Variants in MCCC1 observed in about 807,000 individuals in gnomAD.
MCCC1 encodes methylcrotonoyl-CoA carboxylase subunit alpha, mitochondrial.
Under a neutral mutation model 83.8 loss-of-function variants are expected in MCCC1, and 64 were observed. The ratio of observed to expected loss-of-function variants is 0.76; its 90% CI spans 0.62 to 0.94. MCCC1 has a LOEUF of 0.94. Ranked by LOEUF, MCCC1 falls within the 40% of genes least tolerant of loss-of-function variation. MCCC1 has a pLI of 0.00. For missense variants in MCCC1, 807 were observed against 904.7 expected (o/e 0.89, Z 1.39); for synonymous variants, 322 against 315.4 (o/e 1.02, Z -0.22).
Position 183,097,174 on chromosome 3 carries a change from A to T in MCCC1, c.89+2178T>A, listed in dbSNP as rs867928498. On this transcript the variant is annotated intron_variant, in intron 1 of 18. Transcript: ENST00000265594. ...CAAGATTAAGAAGCTGCTTCCCCGG[A>T]GCTTGCAGTGAGCCGAGATTGCGCC... 8.3e-4 allele frequency among the ~76,000 whole-genome samples: 126 copies of T among 151,996 alleles called. 3 individuals carry two copies. Among genetic ancestry groups the T allele is most frequent in the Middle Eastern group, 3.4e-3 (1 of 294 alleles).
chr3:183,034,408 G>A (rs1437331479), intron 13 of MCCC1, among the ~76,000 whole-genome samples: 3 of 134,484 alleles, frequency 2.2e-5, no homozygotes, highest in Non-Finnish European at 4.6e-5. Context: ...CCAAGATTGC[G>A]CCACTGCACC....
chr3:183,081,554 G>A (rs115819095), intron 4 of MCCC1, among the ~76,000 whole-genome samples: 15 of 152,238 alleles, frequency 9.9e-5, no homozygotes, highest in South Asian at 2.1e-4. Flanking sequence ...ATGGTGAAGC[G>A]GACAAGTCAT....
intron 15 of MCCC1, among the ~76,000 whole-genome samples, chr3:183,023,252 G>A (rs972009080): frequency 6.6e-6 from 1 of 152,168 alleles, no homozygotes; most frequent in African/African-American, 2.4e-5. Context: ...TTCCCACAAT[G>A]CTAGTGTAGA....
intron 2 of MCCC1, among the ~76,000 whole-genome samples, chr3:183,094,005 T>C (rs1718555326): frequency 6.6e-6 from 1 of 152,018 alleles, no homozygotes; most frequent in African/African-American, 2.4e-5. Context: ...GAATATAAAA[T>C]GTTCTCCATT....
intron 16 of MCCC1, 135 bp downstream of exon 16, chr3:183,022,282 G>T: frequency 9.5e-7 from 1 of 1,048,536 alleles, no homozygotes; most frequent in Non-Finnish European, 1.5e-6. Flanking sequence ...CAGAATGGTG[G>T]GGGAAACTGA....
At chr3:183,067,903 G>T (rs4859272) in intron 7 of MCCC1, among the ~76,000 whole-genome samples, 136,280 of 152,214 alleles carry the variant, frequency 0.9, 61,389 homozygotes, top group East Asian at 1. Context: ...AAAACACATA[G>T]TAATCTTCCA....
chr3:183,095,381 T>C (rs1224387969), intron 1 of MCCC1, among the ~76,000 whole-genome samples: 2 of 151,952 alleles, frequency 1.3e-5, no homozygotes, highest in African/African-American at 4.8e-5. Flanking sequence ...GTTTGAAAAA[T>C]ACCAATCAAG....
chr3:183,067,843 T>C (rs1010130408), intron 7 of MCCC1, among the ~76,000 whole-genome samples: 4 of 152,226 alleles, frequency 2.6e-5, no homozygotes, highest in African/African-American at 7.2e-5. Context: ...TATATTACTG[T>C]TATACTCTTT....
At chr3:183,072,525 G>T (rs377700134) in intron 4 of MCCC1, 38 bp from the exon 5 acceptor site, 2 of 1,609,476 alleles carry the variant, frequency 1.2e-6, no homozygotes, top group Non-Finnish European at 8.5e-7. Context: ...TTACTCATCA[G>T]TGCTCAACTG....
At chr3:183,015,679 T>C (rs1020668220) in intron 18 of MCCC1, 113 bp from the exon 19 acceptor site, 48 of 1,284,330 alleles carry the variant, frequency 3.7e-5, no homozygotes, top group African/African-American at 5.8e-5. Flanking sequence ...CTTTGATGTT[T>C]TGTCATCTCT....
intron 1 of MCCC1, among the ~76,000 whole-genome samples, chr3:183,112,341 T>C (rs1182876270): frequency 6.6e-6 from 1 of 152,222 alleles, no homozygotes; most frequent in Non-Finnish European, 1.5e-5. Flanking sequence ...AATAGCTCAA[T>C]GTTATCACCA....
At chr3:183,097,062 C>G (rs1260877175) in intron 1 of MCCC1, among the ~76,000 whole-genome samples, 1 of 152,234 alleles carries the variant, frequency 6.6e-6, no homozygotes, top group African/African-American at 2.4e-5. Flanking sequence ...TCCCACTTAA[C>G]TGTAATCCAC....
intron 4 of MCCC1, 99 bp from the exon 5 acceptor site, chr3:183,072,586 A>G (rs1360409048): frequency 1.2e-5 from 15 of 1,289,532 alleles, no homozygotes; most frequent in Non-Finnish European, 1.7e-5. Context: ...GCCTCTCCCT[A>G]CACTGGTAAT....
intron 10 of MCCC1, among the ~76,000 whole-genome samples, chr3:183,042,666 TTATGGCAG>T: frequency 6.6e-6 from 1 of 152,184 alleles, no homozygotes; most frequent in East Asian, 1.9e-4. Flanking sequence ...TTAAATACCT[TTATGGCAG>T]TATATTTTGA....
At chr3:183,071,153 T>C (rs770768541) in intron 6 of MCCC1, 33 bp from the exon 7 acceptor site, 1 of 1,614,160 alleles carries the variant, frequency 6.2e-7, no homozygotes, top group Non-Finnish European at 8.5e-7. Context: ...GACTACAACA[T>C]AAATAAAACA....
intron 17 of MCCC1, 185 bp from the exon 18 acceptor site, chr3:183,017,522 A>G: frequency 1.6e-6 from 1 of 623,056 alleles, no homozygotes; most frequent in Non-Finnish European, 2.8e-6. Flanking sequence ...TTTGTGGTCC[A>G]CAGATTTGGT....
At chr3:183,085,996 C>T (rs1219536743) in intron 4 of MCCC1, among the ~76,000 whole-genome samples, 1 of 152,212 alleles carries the variant, frequency 6.6e-6, no homozygotes, top group East Asian at 1.9e-4. Context: ...AAGTCCCTCC[C>T]CCAGTCTCTC....
intron 13 of MCCC1, among the ~76,000 whole-genome samples, chr3:183,035,893 T>C (rs1056189479): frequency 3.3e-5 from 5 of 151,832 alleles, no homozygotes; most frequent in African/African-American, 9.7e-5. Flanking sequence ...TTGTTACATA[T>C]GTATACATGT....
chr3:183,091,899 G>A (rs1337692197), intron 3 of MCCC1, among the ~76,000 whole-genome samples: 3 of 152,028 alleles, frequency 2.0e-5, no homozygotes, highest in South Asian at 2.1e-4. Flanking sequence ...TTAGCCGGTC[G>A]TGGTGGAGGG....
Sources: gnomAD v4.1 joint callset for allele counts (sites outside exome capture counted in the v4.1 genomes callset) on GRCh38, gnomAD v4.1.1 for gene constraint, MANE v1.5 for transcripts, NCBI Gene and HGNC (gene_info 2026-07-23, HGNC 2026-07-21) for gene names.